COG5: variants seen among roughly 807,000 people sequenced by gnomAD.
The protein encoded by COG5 is component of oligomeric golgi complex 5.
COG5 carries 86 observed loss-of-function variants against 110.4 expected under a neutral mutation model. The ratio of observed to expected loss-of-function variants is 0.78; its 90% CI spans 0.65 to 0.93. COG5 has a LOEUF of 0.93. Among genes scored for constraint, COG5 ranks in the 40% least tolerant of loss-of-function variants. The pLI is 0.00. For synonymous variants in COG5, 360 were observed against 334.6 expected (o/e 1.08, Z -0.83); for missense variants, 1,077 against 987.0 (o/e 1.09, Z -1.22).
chr7:107,291,826 T>C (rs1311961038), intron 12 of COG5, among the ~76,000 whole-genome samples: 3 of 152,212 alleles, frequency 2.0e-5, no homozygotes, highest in Non-Finnish European at 4.4e-5. Flanking sequence ...TCCTTGGAGC[T>C]AGCTTACCTT....
chr7:107,453,167 C>T (rs1795445214), intron 6 of COG5, among the ~76,000 whole-genome samples: 1 of 152,048 alleles, frequency 6.6e-6, no homozygotes, highest in Non-Finnish European at 1.5e-5. Flanking sequence ...TGGTGATTTT[C>T]AAAATAATCT....
chr7:107,517,731 T>A (rs572828228), intron 6 of COG5, among the ~76,000 whole-genome samples: 1 of 150,256 alleles, frequency 6.7e-6, no homozygotes, highest in African/African-American at 2.5e-5. Flanking sequence ...GGAGTCTCAC[T>A]CTGTCGCCCA....
intron 14 of COG5, among the ~76,000 whole-genome samples, chr7:107,265,634 G>T (rs1391397218): frequency 6.6e-6 from 1 of 152,158 alleles, no homozygotes; most frequent in African/African-American, 2.4e-5. Context: ...ATTAAGGAAT[G>T]TAAGACTTAT....
chr7:107,493,410 T>C (rs1387032285), intron 6 of COG5, among the ~76,000 whole-genome samples: 1 of 152,214 alleles, frequency 6.6e-6, no homozygotes, highest in African/African-American at 2.4e-5. Flanking sequence ...CATTAAATAT[T>C]ACCACTATGA....
intron 10 of COG5, among the ~76,000 whole-genome samples, chr7:107,336,396 G>A (rs1168956829): frequency 6.6e-6 from 1 of 152,094 alleles, no homozygotes; most frequent in African/African-American, 2.4e-5. Flanking sequence ...AAAAAATCGA[G>A]GAGAGAGAGA....
intron 6 of COG5, among the ~76,000 whole-genome samples, chr7:107,426,667 A>T (rs538005861): frequency 6.6e-6 from 1 of 152,258 alleles, no homozygotes; most frequent in South Asian, 2.1e-4. Context: ...CTTCCTCCTA[A>T]TATCACCACA....
intron 1 of COG5, among the ~76,000 whole-genome samples, chr7:107,563,225 T>A (rs1804057047): frequency 6.6e-6 from 1 of 152,018 alleles, no homozygotes; most frequent in Non-Finnish European, 1.5e-5. Flanking sequence ...TCTGTACAAA[T>A]GGTTAATCCC....
chr7:107,519,006 C>A (rs922364421), intron 6 of COG5, among the ~76,000 whole-genome samples: 2 of 152,122 alleles, frequency 1.3e-5, no homozygotes, highest in African/African-American at 4.8e-5. Flanking sequence ...TCACTCAAAA[C>A]CAAATAACTA....
intron 7 of COG5, among the ~76,000 whole-genome samples, chr7:107,383,971 T>C (rs1427605355): frequency 6.6e-6 from 1 of 152,084 alleles, no homozygotes; most frequent in East Asian, 1.9e-4. Flanking sequence ...AGGATAAAGT[T>C]TTTTTTGCCA....
intron 7 of COG5, among the ~76,000 whole-genome samples, chr7:107,377,625 A>G (rs116657686): frequency 2.0e-5 from 3 of 152,212 alleles, no homozygotes; most frequent in Admixed American, 6.5e-5. Context: ...ACTCTACCAC[A>G]TAGCAGTCAA....
At chr7:107,241,111 T>C (rs915209533) in intron 17 of COG5, among the ~76,000 whole-genome samples, 1 of 152,230 alleles carries the variant, frequency 6.6e-6, no homozygotes, top group Non-Finnish European at 1.5e-5. Flanking sequence ...CTTTCAGCTG[T>C]TAATGTCTAA....
intron 6 of COG5, among the ~76,000 whole-genome samples, chr7:107,428,061 TA>T (rs960856664): frequency 6.6e-6 from 1 of 151,888 alleles, no homozygotes; most frequent in African/African-American, 2.4e-5. Flanking sequence ...CTCGACAGTA[TA>T]AAAAACCAAT....
intron 7 of COG5, among the ~76,000 whole-genome samples, chr7:107,374,588 C>A (rs1814468258): frequency 6.6e-6 from 1 of 151,938 alleles, no homozygotes; most frequent in Non-Finnish European, 1.5e-5. Flanking sequence ...CTTCAAAATT[C>A]TCCGCTCCAA....
chr7:107,377,488 A>G (rs377022531), intron 7 of COG5, among the ~76,000 whole-genome samples: 160 of 152,084 alleles, frequency 1.1e-3, no homozygotes, highest in African/African-American at 3.6e-3. Flanking sequence ...GTTGGTATTT[A>G]TCAATTTAAT....
At chr7:107,503,850 G>A (rs1003298969) in intron 6 of COG5, among the ~76,000 whole-genome samples, 4 of 152,182 alleles carry the variant, frequency 2.6e-5, no homozygotes, top group Admixed American at 1.3e-4. Context: ...TTTGTAACCT[G>A]AGACTTTACT....
chr7:107,330,138 CT>C (rs1197446546), intron 10 of COG5, among the ~76,000 whole-genome samples: 1 of 152,176 alleles, frequency 6.6e-6, no homozygotes, highest in Non-Finnish European at 1.5e-5. Context: ...CCCAGTATGT[CT>C]TACATTAAGT....
chr7:107,344,058 T>C (rs76146590), intron 10 of COG5, among the ~76,000 whole-genome samples: 7 of 152,148 alleles, frequency 4.6e-5, no homozygotes, highest in Admixed American at 2.6e-4. Flanking sequence ...TTCCACTTAA[T>C]GTTACCAGGG....
intron 18 of COG5, among the ~76,000 whole-genome samples, chr7:107,232,179 G>A (rs1230109540): frequency 2.0e-5 from 3 of 152,150 alleles, no homozygotes; most frequent in Non-Finnish European, 4.4e-5. Flanking sequence ...AAAAATGTAA[G>A]GAAGAAAAAG....
At chr7:107,512,052 T>C (rs377603615) in intron 6 of COG5, among the ~76,000 whole-genome samples, 11 of 152,194 alleles carry the variant, frequency 7.2e-5, no homozygotes, top group South Asian at 2.1e-4. Flanking sequence ...CCAGGGCAAT[T>C]AGGCAGGAGA....
Sources: gnomAD v4.1 joint callset for allele counts (sites outside exome capture counted in the v4.1 genomes callset) on GRCh38, gnomAD v4.1.1 for gene constraint, MANE v1.5 for transcripts, NCBI Gene and HGNC (gene_info 2026-07-23, HGNC 2026-07-21) for gene names.